Variants in ITPR2 observed in about 807,000 individuals in gnomAD.
The protein encoded by ITPR2 is inositol 1,4,5-trisphosphate-gated calcium channel ITPR2.
A neutral mutation model predicts 317.1 loss-of-function variants in ITPR2; 207 were observed. The ratio of observed to expected loss-of-function variants is 0.65; its 90% CI spans 0.58 to 0.73. The LOEUF (loss-of-function observed/expected upper bound fraction) is 0.73. Ranked by LOEUF, ITPR2 falls within the 30% of genes least tolerant of loss-of-function variation. The pLI is 0.00. For synonymous variants in ITPR2, 1,156 were observed against 1,149.1 expected (o/e 1.01, Z -0.12); for missense variants, 2,613 against 3,284.0 (o/e 0.80, Z 4.99).
intron 26 of ITPR2, among the ~76,000 whole-genome samples, chr12:26,617,532 A>G (rs936972901): frequency 7.2e-5 from 11 of 152,144 alleles, no homozygotes; most frequent in Non-Finnish European, 1.6e-4. Context: ...GGAATATTCT[A>G]TAGCTCATTT....
chr12:26,572,714 G>A (rs1227989736), intron 34 of ITPR2, among the ~76,000 whole-genome samples: 1 of 152,144 alleles, frequency 6.6e-6, no homozygotes, highest in Non-Finnish European at 1.5e-5. Context: ...ATTAAGTATG[G>A]TTTCCTTACT....
chr12:26,714,009 A>G (rs1219929572), intron 8 of ITPR2, among the ~76,000 whole-genome samples: 1 of 152,216 alleles, frequency 6.6e-6, no homozygotes, highest in Non-Finnish European at 1.5e-5. Context: ...TGGTCTCCAA[A>G]GTCCATCTGC....
chr12:26,780,978 A>C (rs2137177691), intron 2 of ITPR2, among the ~76,000 whole-genome samples: 1 of 152,328 alleles, frequency 6.6e-6, no homozygotes, highest in African/African-American at 2.4e-5. Flanking sequence ...GGCTGGGGTG[A>C]CTGACCCAGA....
At chr12:26,740,272 AC>A (rs375551174) in intron 2 of ITPR2, among the ~76,000 whole-genome samples, 93 of 152,350 alleles carry the variant, frequency 6.1e-4, no homozygotes, top group African/African-American at 2.1e-3. Flanking sequence ...GTCCCAACGA[AC>A]AAAATTGAGA....
At position 26,422,466 on chromosome 12, in the gene ITPR2, C is replaced by T. The variant is rs114710699; in HGVS notation, c.6946-3253G>A. Among the ~76,000 whole-genome samples, 1,066 of 152,058 alleles carry T rather than the reference C, an allele frequency of 7.0e-3. 11 individuals carry two copies. Among genetic ancestry groups the T allele is most frequent in the African/African-American group, 0.023 (968 of 41,482 alleles). ...AGCAGAAAGACACTGAATTAGAAGG[C>T]GGGTCATCTGGTTTCAATCTTGGCT... On this transcript the variant is annotated intron_variant, in intron 49 of 56. Transcript: ENST00000381340.
intron 55 of ITPR2, among the ~76,000 whole-genome samples, chr12:26,385,221 C>T (rs1009832238): frequency 3.9e-5 from 6 of 152,154 alleles, no homozygotes; most frequent in Non-Finnish European, 4.4e-5. Context: ...CAAGCTGTTG[C>T]CCCAACACTG....
chr12:26,491,344 G>A (rs555471700), intron 39 of ITPR2, among the ~76,000 whole-genome samples: 1 of 151,574 alleles, frequency 6.6e-6, no homozygotes, highest in African/African-American at 2.4e-5. Flanking sequence ...TTAGCCGGGC[G>A]TGGTGGTGGG....
chr12:26,711,088 A>C lies in ITPR2; in HGVS notation c.951+85T>G, dbSNP rs771067234. 64 of 823,188 alleles carry C rather than the reference A, an allele frequency of 7.8e-5. 1 individual carries two copies. The highest frequency in any genetic ancestry group is 1.2e-4 in the Non-Finnish European group (58 of 478,060). 51.0% of individuals were successfully genotyped at this position (823,188 alleles called of 1,614,324 possible). On this transcript the variant is annotated intron_variant, in intron 9 of 56. Coordinates refer to ENST00000381340, the MANE Select transcript of ITPR2 (RefSeq NM_002223.4). ...AATTTGTGTAATGACTGTTCCTGCA[A>C]ATACGATGTCTTGTGGCGAACCCAA...
At chr12:26,680,743 T>A (rs1383409692) in intron 13 of ITPR2, among the ~76,000 whole-genome samples, 9 of 152,200 alleles carry the variant, frequency 5.9e-5, no homozygotes. Flanking sequence ...GAAAATAACA[T>A]AATTTTCATC....
intron 37 of ITPR2, among the ~76,000 whole-genome samples, chr12:26,514,250 G>C (rs777565795): frequency 1.5e-4 from 23 of 152,162 alleles, no homozygotes; most frequent in Non-Finnish European, 2.9e-4. Flanking sequence ...AAGGGTAAAT[G>C]AATTGAAGGA....
chr12:26,525,564 T>C lies in ITPR2; in HGVS notation c.5073+24683A>G, dbSNP rs1943789937. 2.6e-5 allele frequency among the ~76,000 whole-genome samples: 4 copies of C among 152,212 alleles called. No individual in the cohort carries two copies. The South Asian group carries it at 6.2e-4, about 24-fold the overall frequency. ...AATTCCATCCATACAGCTTTGACTT[T>C]GAGACCCTCTCTATATGTTTGTTTT... is the stretch of plus-strand genomic sequence containing the variant. On this transcript the variant is annotated intron_variant, in intron 37 of 56. Transcript: ENST00000381340.
At chr12:26,758,585 G>A (rs546312071) in intron 2 of ITPR2, among the ~76,000 whole-genome samples, 1 of 152,274 alleles carries the variant, frequency 6.6e-6, no homozygotes, top group South Asian at 2.1e-4. Context: ...CCTCTTATTA[G>A]AACACAGGAT....
At chr12:26,726,603 T>C (rs1430467335) in intron 2 of ITPR2, among the ~76,000 whole-genome samples, 1 of 152,180 alleles carries the variant, frequency 6.6e-6, no homozygotes, top group African/African-American at 2.4e-5. Context: ...GAGTTCAACA[T>C]AACAAATTTA....
chr12:26,824,458 A>G (rs1272653332), intron 1 of ITPR2, among the ~76,000 whole-genome samples: 1 of 152,200 alleles, frequency 6.6e-6, no homozygotes. Flanking sequence ...AATATCAATA[A>G]TAACCAGGAA....
chr12:26,351,502 A>T (rs183255863), intron 55 of ITPR2, among the ~76,000 whole-genome samples: 93 of 152,328 alleles, frequency 6.1e-4, no homozygotes, highest in African/African-American at 2.2e-3. Flanking sequence ...CAGAAGAGAC[A>T]AATCAGCCAG....
intron 40 of ITPR2, chr12:26,486,780 A>T: frequency 1.7e-6 from 1 of 598,598 alleles, no homozygotes; most frequent in Non-Finnish European, 3.1e-6. Context: ...TTTCATTTTC[A>T]TGGTCACTTA....
Position 26,832,699 on chromosome 12 carries a change from C to G in ITPR2, c.83G>C (p.Ser28Thr). 6.3e-7 allele frequency: 1 copy of G among 1,598,780 alleles called. No homozygotes were observed. ...CTCGTCTCCCGCTTACCCCAAGGTG[C>G]TGATGAAGCCGTTGACCGAGCCCTC... is the stretch of plus-strand genomic sequence containing the variant. ...YAEGSVNGFI[S>T]TLGLVDDRCV... The change falls in exon 1 of 57, where the codon AGC becomes ACC. Residue 28 changes from serine (S) to threonine (T), a missense_variant. By Grantham distance (58) the Ser-to-Thr change is moderately conservative (BLOSUM62 1). Coordinates refer to ENST00000381340, the MANE Select transcript of ITPR2 (RefSeq NM_002223.4).
At chr12:26,567,998 T>TATATATATTATATATATATATATATATA (rs1945046171) in intron 34 of ITPR2, among the ~76,000 whole-genome samples, 1 of 4,808 alleles carries the variant, frequency 2.1e-4, no homozygotes, top group Non-Finnish European at 2.4e-3. Flanking sequence ...ATATATATAT[T>TATATATATTATATATATATATATATATA]ATATATATTA....
chr12:26,577,006 C>G (rs1046634457), intron 34 of ITPR2, among the ~76,000 whole-genome samples: 3 of 152,164 alleles, frequency 2.0e-5, no homozygotes, highest in African/African-American at 7.2e-5. Flanking sequence ...CTCTCTTTTC[C>G]TCTCTTGCCT....
Sources: gnomAD v4.1 joint callset for allele counts (sites outside exome capture counted in the v4.1 genomes callset) on GRCh38, gnomAD v4.1.1 for gene constraint, MANE v1.5 for transcripts, NCBI Gene and HGNC (gene_info 2026-07-23, HGNC 2026-07-21) for gene names.